Variants in NAT10 observed in about 807,000 individuals in gnomAD.
The protein encoded by NAT10 is RNA cytidine acetyltransferase.
In NAT10, 109 loss-of-function variants were observed where a neutral mutation model predicts 132.2. That is an observed-to-expected ratio of 0.82 (90% CI 0.71 to 0.97). The LOEUF is 0.97. Among genes scored for constraint, NAT10 ranks in the 50% least tolerant of loss-of-function variants. The probability of loss-of-function intolerance (pLI) is 0.00; values close to 1 mark genes in which losing one functional copy is unlikely to be tolerated. For synonymous variants in NAT10, 479 were observed against 478.0 expected (o/e 1.00, Z -0.03); for missense variants, 1,184 against 1,263.4 (o/e 0.94, Z 0.95).
At chr11:34,106,109 C>A (rs1345819208) in intron 1 of NAT10, 2 of 152,844 alleles carry the variant, frequency 1.3e-5, no homozygotes, top group East Asian at 3.8e-4. Context: ...TGGAGCTTGC[C>A]CGCAGTGCCT....
rs1356359432 is a variant in NAT10 at position 34,124,386 on chromosome 11, A to G, written c.1093A>G (p.Arg365Gly). Reference protein sequence around the residue: ...VIRVNVFREHRQTIQYIHPAD... With the variant: ...VIRVNVFREHGQTIQYIHPAD... ...CAGAGTGAATGTATTTCGAGAACAC[A>G]GGCAGACTATTCAGGTGAGGCTTGT... The change falls in exon 11 of 29, where the codon AGG becomes GGG. Residue 365 changes from arginine (R) to glycine (G), a missense_variant. By Grantham distance (125) the Arg-to-Gly change is moderately radical. Transcript: ENST00000257829. 1 of 1,613,376 alleles carries G rather than the reference A, an allele frequency of 6.2e-7. No homozygotes were observed. Among genetic ancestry groups the G allele is most frequent in the Non-Finnish European group, 8.5e-7 (1 of 1,179,530 alleles).
At position 34,118,216 on chromosome 11, in the gene NAT10, C is replaced by T. The variant is rs575194359; in HGVS notation, c.594C>T (p.Leu198=). Residue 198 remains leucine (L), a synonymous_variant, in exon 7 of 29, where the codon CTC becomes CTT. Coordinates refer to ENST00000257829, the MANE Select transcript of NAT10 (RefSeq NM_024662.3). ...CTCTGGCCTCTTGTAAGAAGTGTCT[C>T]GTCATTGATGACCAGCTCAACATCC... The part of the protein sequence containing the change: ...ILSLASCKKC[L]VIDDQLNILP... 2.1e-5 allele frequency: 34 copies of T among 1,614,062 alleles called. No homozygotes were observed. The highest frequency in any genetic ancestry group is 1.8e-4 in the Admixed American group (11 of 60,008).
chr11:34,143,675 T>C (rs1290215508), intron 28 of NAT10, 147 bp downstream of exon 28: 6 of 667,832 alleles, frequency 9.0e-6, no homozygotes, highest in Non-Finnish European at 1.5e-5. Context: ...CCCCTGGCCA[T>C]TACCCTTGCA....
rs150612564 is a variant in NAT10, at chr11:34,140,473, T to C, written c.2493T>C (p.Asn831=). 11 of 1,614,086 alleles carry C rather than the reference T, an allele frequency of 6.8e-6. No individual in the cohort carries two copies. The African/African-American group carries it at 1.5e-4, about 22-fold the overall frequency. Residue 831 remains asparagine, a synonymous_variant, in exon 24 of 29, where the codon AAT becomes AAC. Transcript: ENST00000257829. ...AGCGGCTGGAGATGTATTCACGGAA[T>C]ATGGTGGACTATCACCTCATCATGG... ...DLKRLEMYSR[N]MVDYHLIMDM...
intron 5 of NAT10, 65 bp from the exon 6 acceptor site, chr11:34,115,758 T>G: frequency 1.9e-6 from 3 of 1,546,754 alleles, no homozygotes; most frequent in Middle Eastern, 3.4e-4. Flanking sequence ...GAGCTTTGTA[T>G]TTGGACCCTG....
At position 34,136,767 on chromosome 11, in the gene NAT10, G is replaced by T; in HGVS notation, c.2154G>T (p.Arg718Ser). The change falls in exon 20 of 29, where the codon AGG (arginine) becomes AGT (serine). Residue 718 changes from arginine (R) to serine (S), a missense_variant. By Grantham distance (110) the Arg-to-Ser change is moderately radical (BLOSUM62 -1). Transcript: ENST00000257829. ...YLGVSYGLTP[R>S]LLKFWKRAGF... is the part of the protein sequence containing the mutation. The stretch of plus-strand genomic sequence containing the variant: ...GTGTTTCCTATGGCTTGACCCCCAG[G>T]CTCCTCAAGTAAGTGCCTGCCCTCC... 6.2e-7 allele frequency: 1 copy of T among 1,614,126 alleles called. No homozygotes were observed. Among genetic ancestry groups the T allele is most frequent in the Non-Finnish European group, 8.5e-7 (1 of 1,180,026 alleles).
intron 11 of NAT10, 107 bp from the exon 12 acceptor site, chr11:34,127,356 A>G: frequency 8.0e-7 from 1 of 1,247,558 alleles, no homozygotes; most frequent in Non-Finnish European, 1.1e-6. Flanking sequence ...GGAGAGAAGG[A>G]AACAGGGAGA....
chr11:34,136,590 GTCTC>G (rs1852217606), intron 19 of NAT10, 48 bp from the exon 20 acceptor site: 1 of 1,610,096 alleles, frequency 6.2e-7, no homozygotes, highest in African/African-American at 1.3e-5. Flanking sequence ...GCTTGACGAT[GTCTC>G]TCTCCCTCTG....
At chr11:34,131,796 C>T (rs1314395104) in intron 14 of NAT10, among the ~76,000 whole-genome samples, 2 of 151,426 alleles carry the variant, frequency 1.3e-5, no homozygotes, top group Admixed American at 1.3e-4. Context: ...AGTGATTCTC[C>T]TGCCTCAGCC....
chr11:34,106,767 T>C (rs568815666), intron 1 of NAT10, among the ~76,000 whole-genome samples: 22 of 152,182 alleles, frequency 1.4e-4, no homozygotes, highest in Non-Finnish European at 2.9e-4. Flanking sequence ...TACGTATAAA[T>C]TGGGGTCCTT....
At chr11:34,125,919 T>G (rs1851982667) in intron 11 of NAT10, among the ~76,000 whole-genome samples, 2 of 150,724 alleles carry the variant, frequency 1.3e-5, no homozygotes, top group African/African-American at 4.9e-5. Context: ...AGGCAGAGGT[T>G]GCAATGAGCC....
At chr11:34,141,039 G>C in intron 24 of NAT10, 50 bp from the exon 25 acceptor site, 2 of 1,611,784 alleles carry the variant, frequency 1.2e-6, no homozygotes, top group Non-Finnish European at 1.7e-6. Flanking sequence ...CCATTTTAAT[G>C]GGCAAGGGCG....
intron 19 of NAT10, among the ~76,000 whole-genome samples, 154 bp from the exon 20 acceptor site, chr11:34,136,488 C>T (rs779680294): frequency 2.0e-5 from 3 of 152,152 alleles, no homozygotes; most frequent in Admixed American, 6.5e-5. Context: ...TGCTTGACTC[C>T]GGTGTTCTCA....
intron 20 of NAT10, 95 bp downstream of exon 20, chr11:34,136,870 G>T (rs1248216774): frequency 5.3e-5 from 86 of 1,611,242 alleles, no homozygotes; most frequent in Non-Finnish European, 6.9e-5. Flanking sequence ...TGGTATCGGT[G>T]CTAGCCTGCT....
intron 5 of NAT10, among the ~76,000 whole-genome samples, chr11:34,115,144 A>C (rs1851762615): frequency 1.3e-5 from 2 of 152,256 alleles, no homozygotes; most frequent in South Asian, 4.1e-4. Flanking sequence ...CAACAGAGCA[A>C]GACTCCGTCT....
At chr11:34,114,294 C>T (rs950296739) in intron 5 of NAT10, among the ~76,000 whole-genome samples, 1 of 152,156 alleles carries the variant, frequency 6.6e-6, no homozygotes, top group African/African-American at 2.4e-5. Flanking sequence ...ATTGTGTTCT[C>T]CCAAAGCAAA....
At position 34,140,520 on chromosome 11, in the gene NAT10, G is replaced by C; in HGVS notation, c.2540G>C (p.Arg847Pro). ...ATGGACATGATCCCGGCCATCTCTCGCATCTATTTCCTGAACCAGCTGGGG... is the reference window on the plus strand; with the variant it reads ...ATGGACATGATCCCGGCCATCTCTCCCATCTATTTCCTGAACCAGCTGGGG... ...LIMDMIPAIS[R>P]IYFLNQLGDL... Residue 847 changes from arginine (R) to proline (P), a missense_variant, in exon 24 of 29, where the codon CGC becomes CCC. Transcript: ENST00000257829. 3 of 1,614,156 alleles carry C rather than the reference G, an allele frequency of 1.9e-6. No homozygotes were observed. Among genetic ancestry groups the C allele is most frequent in the Non-Finnish European group, 2.5e-6 (3 of 1,180,010 alleles).
chr11:34,107,167 C>G (rs976609054), intron 1 of NAT10: 1 of 151,904 alleles, frequency 6.6e-6, no homozygotes, highest in Admixed American at 6.6e-5. Flanking sequence ...TCCTGCAGCT[C>G]CACTACCACT....
chr11:34,138,144 G>A (rs1415117296), intron 21 of NAT10, among the ~76,000 whole-genome samples: 2 of 152,232 alleles, frequency 1.3e-5, no homozygotes, highest in Non-Finnish European at 2.9e-5. Context: ...AGTGGTATGG[G>A]TGAGGGGGGC....
Sources: allele counts gnomAD v4.1 joint callset (sites outside exome capture counted in the v4.1 genomes callset), GRCh38; gene constraint gnomAD v4.1.1; transcripts MANE v1.5; gene names NCBI Gene and HGNC (gene_info 2026-07-23, HGNC 2026-07-21).